Variants in LPCAT2 observed in about 807,000 individuals in gnomAD.
LPCAT2 encodes lysophosphatidylcholine acyltransferase 2, also known as 1-AGP acyltransferase 11.
LPCAT2 carries 58 observed loss-of-function variants against 64.7 expected under a neutral mutation model. That is an observed-to-expected ratio of 0.90 (90% CI 0.73 to 1.12). The LOEUF is 1.12. Ranked by LOEUF, LPCAT2 falls within the 50% of genes most tolerant of loss-of-function variation. The probability of loss-of-function intolerance (pLI) is 0.00; values close to 1 mark genes in which losing one functional copy is unlikely to be tolerated. For missense variants in LPCAT2, 579 were observed against 669.8 expected, an observed-to-expected ratio of 0.86 and a Z score of 1.50; for synonymous variants, 252 against 245.3, an observed-to-expected ratio of 1.03 and a Z score of -0.26.
At position 55,513,278 on chromosome 16, in the gene LPCAT2, T is replaced by A. The variant is rs143932425; in HGVS notation, c.171+3926T>A. Among the ~76,000 whole-genome samples, 413 of 152,182 alleles carry A rather than the reference T, an allele frequency of 2.7e-3. 10 individuals are homozygous for A. In the South Asian group the frequency reaches 0.05, roughly 18 times the overall value. On this transcript the variant is annotated intron_variant, in intron 1 of 13. Transcript: ENST00000262134. The stretch of plus-strand genomic sequence containing the variant: ...GAGCTTAGCAGAGAAATAGAAAATG[T>A]AAAAGAGAACCAAATGGGCATTCAA...
At chr16:55,562,896 T>C (rs1423935780) in intron 11 of LPCAT2, among the ~76,000 whole-genome samples, 1 of 151,800 alleles carries the variant, frequency 6.6e-6, no homozygotes, top group Non-Finnish European at 1.5e-5. Flanking sequence ...CTATAACTAG[T>C]ATTAAAGGTA....
chr16:55,562,742 G>A (rs770657110), intron 11 of LPCAT2, among the ~76,000 whole-genome samples: 2 of 151,730 alleles, frequency 1.3e-5, no homozygotes, highest in Non-Finnish European at 3.0e-5. Context: ...AAGCAAGGGC[G>A]ATATTATTAT....
intron 8 of LPCAT2, among the ~76,000 whole-genome samples, chr16:55,542,690 G>A (rs1328877246): frequency 6.6e-6 from 1 of 151,492 alleles, no homozygotes; most frequent in East Asian, 1.9e-4. Flanking sequence ...TGTTGCCAGA[G>A]GGAGTGGATA....
chr16:55,555,727 C>A (rs931982723), intron 11 of LPCAT2, among the ~76,000 whole-genome samples: 1 of 152,202 alleles, frequency 6.6e-6, no homozygotes, highest in African/African-American at 2.4e-5. Context: ...AATAATCTGT[C>A]ATCATCTATG....
At chr16:55,518,885 A>G (rs1963052348) in intron 1 of LPCAT2, among the ~76,000 whole-genome samples, 1 of 152,086 alleles carries the variant, frequency 6.6e-6, no homozygotes, top group Non-Finnish European at 1.5e-5. Flanking sequence ...TTTTCTAGAC[A>G]TACAACGAAA....
At chr16:55,571,337 C>A (rs531240487) in intron 11 of LPCAT2, among the ~76,000 whole-genome samples, 18 of 152,272 alleles carry the variant, frequency 1.2e-4, no homozygotes, top group African/African-American at 4.3e-4. Context: ...TGTTGTGTGA[C>A]TAAGCAGATG....
Position 55,534,443 on chromosome 16 carries a change from G to A in LPCAT2, c.763G>A (p.Asp255Asn). 1.3e-6 allele frequency: 2 copies of A among 1,527,468 alleles called. No homozygotes were observed. The highest frequency in any genetic ancestry group is 1.8e-6 in the Non-Finnish European group (2 of 1,115,686). 94.6% of individuals were successfully genotyped at this position (1,527,468 alleles called of 1,614,324 possible). A position where few individuals can be genotyped will look rare whatever the true frequency, so the allele number is the denominator to read the frequency against. Residue 255 changes from aspartate to asparagine, a missense_variant and splice_region_variant, in exon 7 of 14, where the codon GAT becomes AAT. Transcript: ENST00000262134. ...PVLLRYPNKLDTVTWTWQGYT... is the reference protein window; with the variant it reads ...PVLLRYPNKLNTVTWTWQGYT... ...AGCTAAAATAATTTTGTTATTATAG[G>A]ATACTGTGACCTGGACATGGCAAGG...
chr16:55,547,829 G>A lies in LPCAT2; in HGVS notation c.936-1448G>A, dbSNP rs576204640. On this transcript the variant is annotated intron_variant, in intron 9 of 13. Coordinates refer to ENST00000262134, the MANE Select transcript of LPCAT2 (RefSeq NM_017839.5). Reference sequence around the variant, plus strand: ...GTCACTCAGGCTGGAGTGCAATGGTGCAATCTCGGCTCACTGCAACCTCCG... The same window carrying A: ...GTCACTCAGGCTGGAGTGCAATGGTACAATCTCGGCTCACTGCAACCTCCG... Among the ~76,000 whole-genome samples, 28 of 151,952 alleles carry A rather than the reference G, an allele frequency of 1.8e-4. No individual in the cohort carries two copies. In the South Asian group the frequency reaches 2.3e-3, roughly 12 times the overall value.
Position 55,551,069 on chromosome 16 carries a change from T to C in LPCAT2, c.1182T>C (p.Asp394=), listed in dbSNP as rs558178445. ...AGTATTTAAAGTTGCCTGTTTCAGA[T>C]GTCTTGAGACAACTTTTTGCACTCT... is the stretch of plus-strand genomic sequence containing the variant. ...FAKYLKLPVS[D]VLRQLFALFD... is the part of the protein sequence containing the mutation. Residue 394 remains aspartate (D), a synonymous_variant, in exon 11 of 14, where the codon GAT becomes GAC. Coordinates refer to ENST00000262134, the MANE Select transcript of LPCAT2 (RefSeq NM_017839.5). 5.6e-6 allele frequency: 9 copies of C among 1,612,918 alleles called. No homozygotes were observed. Among genetic ancestry groups the C allele is most frequent in the East Asian group, 2.2e-5 (1 of 44,778 alleles).
intron 1 of LPCAT2, among the ~76,000 whole-genome samples, chr16:55,511,974 C>T (rs1320918564): frequency 6.6e-6 from 1 of 152,092 alleles, no homozygotes; most frequent in Admixed American, 6.6e-5. Context: ...GAATTTGAGT[C>T]GTCTCATCTT....
chr16:55,514,308 GA>G (rs1476269315), intron 1 of LPCAT2, among the ~76,000 whole-genome samples: 3 of 152,112 alleles, frequency 2.0e-5, no homozygotes, highest in Non-Finnish European at 4.4e-5. Flanking sequence ...GACTAACCTT[GA>G]GGGACTGTAC....
chr16:55,571,684 G>C (rs1412498734), intron 11 of LPCAT2, among the ~76,000 whole-genome samples: 1 of 151,988 alleles, frequency 6.6e-6, no homozygotes, highest in East Asian at 1.9e-4. Context: ...TTAAAGAAAA[G>C]AACCAAAGAT....
intron 11 of LPCAT2, among the ~76,000 whole-genome samples, chr16:55,569,240 CAT>C (rs1963742969): frequency 6.6e-6 from 1 of 152,190 alleles, no homozygotes; most frequent in Non-Finnish European, 1.5e-5. Flanking sequence ...ACACCACACA[CAT>C]ATAATTCTGA....
Position 55,585,497 on chromosome 16 carries a change from T to TA in LPCAT2, c.*2402dup, listed in dbSNP as rs1440755656. Reference sequence around the variant, plus strand: ...CAGAGGCTTTTCTCCTCTCAAGACTTAAAGTAAGAATTACATTTTATTAAG... The same window carrying TA: ...CAGAGGCTTTTCTCCTCTCAAGACTTAAAAGTAAGAATTACATTTTATTAAG... On this transcript the variant is annotated 3_prime_UTR_variant, in exon 14 of 14. Transcript: ENST00000262134. The TA allele has an allele frequency of 2.6e-5, 4 of 152,194 alleles. No individual in the cohort carries two copies. The highest frequency in any genetic ancestry group is 5.9e-5 in the Non-Finnish European group (4 of 68,032). 9.4% of individuals were successfully genotyped at this position (152,194 alleles called of 1,614,324 possible). A position where few individuals can be genotyped will look rare whatever the true frequency, so the allele number is the denominator to read the frequency against.
At chr16:55,570,483 C>A (rs1963757187) in intron 11 of LPCAT2, among the ~76,000 whole-genome samples, 1 of 152,076 alleles carries the variant, frequency 6.6e-6, no homozygotes, top group Admixed American at 6.6e-5. Context: ...AAAATCCCCA[C>A]AACTAGCCAA....
intron 12 of LPCAT2, among the ~76,000 whole-genome samples, chr16:55,575,413 G>A (rs1963816447): frequency 6.6e-6 from 1 of 152,084 alleles, no homozygotes; most frequent in African/African-American, 2.4e-5. Flanking sequence ...GAGAGTAAAG[G>A]GGCTTCATCT....
intron 9 of LPCAT2, 25 bp from the exon 10 acceptor site, chr16:55,549,252 T>C: frequency 6.6e-7 from 1 of 1,515,140 alleles, no homozygotes; most frequent in South Asian, 1.3e-5. Context: ...AAAATGAATT[T>C]TAGTTTGCTT....
At position 55,582,993 on chromosome 16, in the gene LPCAT2, T is replaced by G; in HGVS notation, c.1530T>G (p.His510Gln). 6.2e-7 allele frequency: 1 copy of G among 1,613,748 alleles called. No homozygotes were observed. ...FTTYLDLQTC[H>Q]VFSLPKEVQT... ...CATACCTAGACCTCCAGACGTGCCA[T>G]GTGTTTTCATTACCAAAAGAAGTCC... is the stretch of plus-strand genomic sequence containing the variant. Residue 510 changes from histidine (H) to glutamine (Q), a missense_variant, in exon 14 of 14, where the codon CAT (histidine) becomes CAG (glutamine). His to Gln is a conservative substitution (Grantham distance 24, BLOSUM62 0). Transcript: ENST00000262134.
At chr16:55,559,232 T>C (rs1187675842) in intron 11 of LPCAT2, among the ~76,000 whole-genome samples, 4 of 152,178 alleles carry the variant, frequency 2.6e-5, no homozygotes, top group Non-Finnish European at 4.4e-5. Flanking sequence ...ATGGTCATGA[T>C]TTTTCCCATT....
Sources: allele counts gnomAD v4.1 joint callset (sites outside exome capture counted in the v4.1 genomes callset), GRCh38; gene constraint gnomAD v4.1.1; transcripts MANE v1.5; gene names NCBI Gene and HGNC (gene_info 2026-07-23, HGNC 2026-07-21).